The following CFAP299 variants were observed in gnomAD, a reference collection of about 807,000 sequenced individuals.
CFAP299 encodes cilia and flagella associated protein 299.
In CFAP299, 21 loss-of-function variants were observed where a neutral mutation model predicts 27.0. The ratio of observed to expected loss-of-function variants is 0.78; its 90% CI spans 0.55 to 1.12. CFAP299 has a LOEUF of 1.12. Ranked by LOEUF, CFAP299 falls within the 50% of genes most tolerant of loss-of-function variation. CFAP299 has a pLI of 0.00. For missense variants in CFAP299, 310 were observed against 276.6 expected (o/e 1.12, Z -0.86); for synonymous variants, 104 against 98.1 (o/e 1.06, Z -0.36).
chr4:80,791,839 GATAT>G (rs563750669), intron 3 of CFAP299, among the ~76,000 whole-genome samples: 1 of 149,438 alleles, frequency 6.7e-6, no homozygotes, highest in Non-Finnish European at 1.5e-5. Flanking sequence ...CATATTGACA[GATAT>G]ATATATATAT....
intron 3 of CFAP299, among the ~76,000 whole-genome samples, chr4:80,629,094 T>G (rs1739070251): frequency 6.6e-6 from 1 of 152,042 alleles, no homozygotes. Flanking sequence ...ATGAGTGGAT[T>G]AAAAAATGTG....
chr4:80,924,133 A>G (rs2110213033), intron 4 of CFAP299, among the ~76,000 whole-genome samples: 1 of 152,070 alleles, frequency 6.6e-6, no homozygotes, highest in South Asian at 2.1e-4. Flanking sequence ...TGTTCCATGA[A>G]ACATTTTTTA....
At chr4:80,854,951 G>A (rs980803474) in intron 3 of CFAP299, among the ~76,000 whole-genome samples, 4 of 151,626 alleles carry the variant, frequency 2.6e-5, no homozygotes, top group African/African-American at 9.7e-5. Context: ...CTACACTGTG[G>A]AATCTAAATT....
At chr4:80,634,071 C>T (rs1034660042) in intron 3 of CFAP299, among the ~76,000 whole-genome samples, 1 of 150,436 alleles carries the variant, frequency 6.6e-6, no homozygotes, top group Non-Finnish European at 1.5e-5. Flanking sequence ...GCATCCTTCA[C>T]CTCCCGGGTT....
intron 4 of CFAP299, chr4:80,872,304 A>G (rs1047833127): frequency 6.6e-6 from 1 of 152,068 alleles, no homozygotes; most frequent in Non-Finnish European, 1.5e-5. Flanking sequence ...ATTTCACCCA[A>G]TGGTGTTAGC....
At chr4:80,719,206 G>A (rs550125195) in intron 3 of CFAP299, among the ~76,000 whole-genome samples, 2 of 152,178 alleles carry the variant, frequency 1.3e-5, no homozygotes, top group African/African-American at 2.4e-5. Context: ...TAGTACCTGG[G>A]TGATGAAATA....
intron 2 of CFAP299, among the ~76,000 whole-genome samples, chr4:80,463,052 C>A (rs1351129985): frequency 2.6e-5 from 4 of 152,030 alleles, no homozygotes; most frequent in Non-Finnish European, 5.9e-5. Context: ...TTTGTAGTTG[C>A]AAATATTTGA....
At chr4:80,458,189 C>T (rs1039106519) in intron 2 of CFAP299, among the ~76,000 whole-genome samples, 4 of 152,114 alleles carry the variant, frequency 2.6e-5, no homozygotes, top group African/African-American at 9.7e-5. Context: ...CAAATGGGCG[C>T]CCCCAAAATT....
chr4:80,388,156 T>C, intron 2 of CFAP299: 1 of 662,842 alleles, frequency 1.5e-6, no homozygotes, highest in South Asian at 1.7e-5. Context: ...GGGGTGGAGG[T>C]GGTGAGGGCA....
At chr4:80,486,865 T>C (rs1454981425) in intron 2 of CFAP299, among the ~76,000 whole-genome samples, 1 of 152,246 alleles carries the variant, frequency 6.6e-6, no homozygotes, top group African/African-American at 2.4e-5. Flanking sequence ...CAGCATTGGC[T>C]GGGGCCCTCA....
chr4:80,802,222 T>C (rs1728649092), intron 3 of CFAP299, among the ~76,000 whole-genome samples: 1 of 151,990 alleles, frequency 6.6e-6, no homozygotes, highest in Admixed American at 6.6e-5. Context: ...ATAGAGAGAG[T>C]AAACAATCAT....
intron 4 of CFAP299, among the ~76,000 whole-genome samples, chr4:80,882,104 A>G (rs1219606063): frequency 6.6e-6 from 1 of 152,206 alleles, no homozygotes; most frequent in African/African-American, 2.4e-5. Flanking sequence ...TAAGAAACTT[A>G]TGCAGCTCTG....
intron 3 of CFAP299, among the ~76,000 whole-genome samples, chr4:80,731,086 C>T (rs1368832353): frequency 6.6e-6 from 1 of 152,050 alleles, no homozygotes; most frequent in East Asian, 1.9e-4. Context: ...ATGCTATGTG[C>T]CTGTTTTACC....
chr4:80,417,419 T>A (rs1000540670), intron 2 of CFAP299, among the ~76,000 whole-genome samples: 1 of 152,072 alleles, frequency 6.6e-6, no homozygotes, highest in African/African-American at 2.4e-5. Context: ...TCAGCCTTAT[T>A]TTACCCAGCC....
chr4:80,391,994 G>A (rs1022012572), intron 2 of CFAP299, among the ~76,000 whole-genome samples: 10 of 152,160 alleles, frequency 6.6e-5, no homozygotes, highest in African/African-American at 2.4e-4. Flanking sequence ...CTCGTGACCT[G>A]CATTTGAGAC....
At chr4:80,582,992 G>T (rs1213710446) in intron 2 of CFAP299, 101 bp from the exon 3 acceptor site, 6 of 610,672 alleles carry the variant, frequency 9.8e-6, no homozygotes, top group Non-Finnish European at 1.4e-5. Flanking sequence ...TTTTCATGTT[G>T]CAAGGAAATT....
chr4:80,934,409 T>C (rs771179134), intron 4 of CFAP299, among the ~76,000 whole-genome samples: 3 of 152,078 alleles, frequency 2.0e-5, no homozygotes, highest in Non-Finnish European at 2.9e-5. Flanking sequence ...TGTATCAGGA[T>C]AAAGTAGGCC....
At chr4:80,448,429 T>A (rs1274681444) in intron 2 of CFAP299, among the ~76,000 whole-genome samples, 1 of 152,218 alleles carries the variant, frequency 6.6e-6, no homozygotes, top group African/African-American at 2.4e-5. Flanking sequence ...TGAGTCTATC[T>A]TTGGGATGCT....
At chr4:80,690,207 C>T (rs1720563765) in intron 3 of CFAP299, among the ~76,000 whole-genome samples, 1 of 151,308 alleles carries the variant, frequency 6.6e-6, no homozygotes. Flanking sequence ...TAGACATCTA[C>T]AGAACTCTCC....
Sources: allele counts gnomAD v4.1 joint callset (sites outside exome capture counted in the v4.1 genomes callset), GRCh38; gene constraint gnomAD v4.1.1; transcripts MANE v1.5; gene names NCBI Gene and HGNC (gene_info 2026-07-23, HGNC 2026-07-21).